FNDC3B: variants seen among roughly 807,000 people sequenced by gnomAD.
The protein encoded by FNDC3B is fibronectin type III domain containing 3B.
FNDC3B carries 12 observed loss-of-function variants against 151.5 expected under a neutral mutation model. The observed-to-expected ratio is 0.08, with a 90% CI of 0.05 to 0.13. The LOEUF (loss-of-function observed/expected upper bound fraction) is 0.13. Ranked by LOEUF, FNDC3B falls within the 10% of genes least tolerant of loss-of-function variation. The pLI is 1.00. For synonymous variants in FNDC3B, 528 were observed against 549.0 expected (o/e 0.96, Z 0.54); for missense variants, 1,214 against 1,505.3 (o/e 0.81, Z 3.20).
chr3:172,153,454 C>G, intron 3 of FNDC3B, among the ~76,000 whole-genome samples: 1 of 152,272 alleles, frequency 6.6e-6, no homozygotes, highest in East Asian at 1.9e-4. Context: ...TTGAATGTGA[C>G]CTGGCAGCCA....
chr3:172,256,861 G>T (rs1010196223), intron 6 of FNDC3B, among the ~76,000 whole-genome samples: 1 of 152,082 alleles, frequency 6.6e-6, no homozygotes, highest in African/African-American at 2.4e-5. Context: ...ATGTATGTGT[G>T]TGTGTTTGTG....
intron 7 of FNDC3B, among the ~76,000 whole-genome samples, chr3:172,287,065 G>A (rs745525499): frequency 6.6e-5 from 10 of 152,152 alleles, no homozygotes; most frequent in Non-Finnish European, 1.0e-4. Context: ...GGGCTTTCGG[G>A]TTTGGATGCC....
chr3:172,242,784 C>A (rs549041062), intron 4 of FNDC3B, among the ~76,000 whole-genome samples: 2 of 152,334 alleles, frequency 1.3e-5, no homozygotes, highest in East Asian at 3.9e-4. Context: ...CTCTTTGTTA[C>A]TTAAGCAAAT....
chr3:172,302,401 G>A (rs140784647), intron 9 of FNDC3B: 104 of 152,350 alleles, frequency 6.8e-4, no homozygotes, highest in African/African-American at 2.3e-3. Flanking sequence ...TTTAGACAGT[G>A]CTGTAGCTCA....
chr3:172,368,413 G>C (rs1734733168), intron 23 of FNDC3B, among the ~76,000 whole-genome samples: 1 of 152,206 alleles, frequency 6.6e-6, no homozygotes, highest in African/African-American at 2.4e-5. Flanking sequence ...ATGTGAGGCA[G>C]CCAGCTCAGG....
intron 8 of FNDC3B, among the ~76,000 whole-genome samples, chr3:172,298,408 ATTTG>A (rs1392605245): frequency 6.6e-6 from 1 of 152,124 alleles, no homozygotes; most frequent in African/African-American, 2.4e-5. Flanking sequence ...ATTTTTATTC[ATTTG>A]TTTGTTCATT....
At chr3:172,126,967 G>C (rs750845729) in intron 2 of FNDC3B, 15 of 456,014 alleles carry the variant, frequency 3.3e-5, no homozygotes, top group Admixed American at 1.7e-4. Flanking sequence ...GGGACACACA[G>C]AAGCTGAGCA....
Position 172,384,261 on chromosome 3 carries a change from G to A in FNDC3B, c.3303+3168G>A, listed in dbSNP as rs73037042. 4.0e-3 allele frequency among the ~76,000 whole-genome samples: 616 copies of A among 152,152 alleles called. 4 individuals are homozygous for A. Among genetic ancestry groups the A allele is most frequent in the African/African-American group, 0.014 (567 of 41,502 alleles). Reference sequence around the variant, plus strand: ...TCTACCAGTGTCGATTAACATCAGCGGATGATGTCACCAAAGTTTCCATCA... The same window carrying A: ...TCTACCAGTGTCGATTAACATCAGCAGATGATGTCACCAAAGTTTCCATCA... On this transcript the variant is annotated intron_variant, in intron 25 of 25. Coordinates refer to ENST00000415807, the MANE Select transcript of FNDC3B (RefSeq NM_022763.4).
rs7621986 is a variant in FNDC3B at position 172,355,785 on chromosome 3, C to A, written c.2795+2702C>A. 7.6e-3 allele frequency among the ~76,000 whole-genome samples: 1,154 copies of A among 152,260 alleles called. 16 individuals carry two copies. The highest frequency in any genetic ancestry group is 0.026 in the African/African-American group (1,095 of 41,536). On this transcript the variant is annotated intron_variant, in intron 22 of 25. Transcript: ENST00000415807. ...ATCATTTACACTGTCTTCATTAGCA[C>A]AGGTTTTCTATAACTGCCTCCAACC...
chr3:172,286,060 A>G, intron 7 of FNDC3B, 76 bp downstream of exon 7: 1 of 1,044,036 alleles, frequency 9.6e-7, no homozygotes, highest in Non-Finnish European at 1.5e-6. Flanking sequence ...TTTTTCCACC[A>G]CACAGTAGGT....
At chr3:172,395,941 A>G (rs949010879) in intron 25 of FNDC3B, among the ~76,000 whole-genome samples, 4 of 152,158 alleles carry the variant, frequency 2.6e-5, no homozygotes, top group African/African-American at 9.7e-5. Flanking sequence ...ATGTGGTGCA[A>G]CTCAGACTCT....
rs1254977182 is a variant in FNDC3B at position 172,344,015 on chromosome 3, T to G, written c.2078-71T>G. The G allele has an allele frequency of 3.5e-6, 5 of 1,448,078 alleles. No individual in the cohort carries two copies. In the Admixed American group the frequency reaches 9.8e-5, roughly 28 times the overall value. 89.7% of individuals were successfully genotyped at this position (1,448,078 alleles called of 1,614,324 possible). A position where few individuals can be genotyped will look rare whatever the true frequency, so the allele number is the denominator to read the frequency against. The stretch of plus-strand genomic sequence containing the variant: ...TATGTGATATTTTGCTCAACTTGTG[T>G]GAAATCTGGTGCACTTTGGTCAACT... On this transcript the variant is annotated intron_variant, in intron 18 of 25. Transcript: ENST00000415807.
chr3:172,337,444 C>A, intron 16 of FNDC3B, 43 bp downstream of exon 16: 5 of 1,231,702 alleles, frequency 4.1e-6, no homozygotes, highest in Non-Finnish European at 6.0e-6. Context: ...CAATAGCAAG[C>A]TCTGTTTTCT....
intron 1 of FNDC3B, among the ~76,000 whole-genome samples, chr3:172,090,425 TAAACAAACAAACAAAC>T (rs60240731): frequency 6.7e-6 from 1 of 150,216 alleles, no homozygotes; most frequent in Non-Finnish European, 1.5e-5. Context: ...TGACCAAAAA[TAAACAAACAAACAAAC>T]AAACAAACAA....
At chr3:172,065,459 G>A (rs909582308) in intron 1 of FNDC3B, among the ~76,000 whole-genome samples, 2 of 152,176 alleles carry the variant, frequency 1.3e-5, no homozygotes, top group Non-Finnish European at 2.9e-5. Flanking sequence ...CCTACTTCCT[G>A]TGTGTGAAAT....
chr3:172,272,512 G>A (rs1729245585), intron 6 of FNDC3B, among the ~76,000 whole-genome samples: 1 of 152,032 alleles, frequency 6.6e-6, no homozygotes, highest in African/African-American at 2.4e-5. Flanking sequence ...GGCTGCTACA[G>A]GAAATAAACC....
chr3:172,274,029 G>T (rs1375103182), intron 6 of FNDC3B, among the ~76,000 whole-genome samples: 1 of 152,188 alleles, frequency 6.6e-6, no homozygotes, highest in African/African-American at 2.4e-5. Context: ...ATTACTGCAT[G>T]ATCCTCAGTG....
At chr3:172,111,501 G>C (rs1470481461) in intron 1 of FNDC3B, among the ~76,000 whole-genome samples, 1 of 152,058 alleles carries the variant, frequency 6.6e-6, no homozygotes, top group African/African-American at 2.4e-5. Context: ...AAAATAATTA[G>C]TTTCTCCAAA....
chr3:172,219,462 TTTTTTGTTAAGGTG>T (rs1726161197), intron 3 of FNDC3B, among the ~76,000 whole-genome samples: 1 of 152,246 alleles, frequency 6.6e-6, no homozygotes, highest in African/African-American at 2.4e-5. Flanking sequence ...TTTCAATTCT[TTTTTTGTTAAGGTG>T]AAATGCATAA....
Sources: allele counts gnomAD v4.1 joint callset (sites outside exome capture counted in the v4.1 genomes callset), GRCh38; gene constraint gnomAD v4.1.1; transcripts MANE v1.5; gene names NCBI Gene and HGNC (gene_info 2026-07-23, HGNC 2026-07-21).